Variants in SERINC1 observed in about 807,000 individuals in gnomAD.
The protein encoded by SERINC1 is tumor differentially expressed protein 2.
In SERINC1, 38 loss-of-function variants were observed where a neutral mutation model predicts 52.9. That is an observed-to-expected ratio of 0.72 (90% CI 0.55 to 0.94). SERINC1 has a LOEUF of 0.94. Among genes scored for constraint, SERINC1 ranks in the 40% least tolerant of loss-of-function variants. The probability of loss-of-function intolerance (pLI) is 0.00; values close to 1 mark genes in which losing one functional copy is unlikely to be tolerated. For synonymous variants in SERINC1, 198 were observed against 183.1 expected (o/e 1.08, Z -0.66); for missense variants, 471 against 533.9 (o/e 0.88, Z 1.16).
rs1467448575 is a variant in SERINC1 at position 122,443,765 on chromosome 6, G to T, written c.*1279C>A. ...ATAAATTATCCACCAGTAATGAGGT[G>T]TAAAATCAATTATGCATGTATTTTG... On this transcript the variant is annotated 3_prime_UTR_variant, in exon 10 of 10. Coordinates refer to ENST00000339697, the MANE Select transcript of SERINC1 (RefSeq NM_020755.4). 3 of 152,176 alleles carry T rather than the reference G, an allele frequency of 2.0e-5. No individual in the cohort carries two copies. The highest frequency in any genetic ancestry group is 7.2e-5 in the African/African-American group (3 of 41,438). The allele number at this position is 152,176 out of a possible 1,614,324, so 9.4% of individuals were successfully genotyped here. A position where few individuals can be genotyped will look rare whatever the true frequency, so the allele number is the denominator to read the frequency against.
rs554758272 is a variant in SERINC1, at chr6:122,462,694, T to G, written c.40-4013A>C. Reference sequence around the variant, plus strand: ...TCATCGGTTTAATAAGGTCACATGATAAAAAGTCAATATACACAATCATGT... The same window carrying G: ...TCATCGGTTTAATAAGGTCACATGAGAAAAAGTCAATATACACAATCATGT... On this transcript the variant is annotated intron_variant, in intron 1 of 9. Coordinates refer to ENST00000339697, the MANE Select transcript of SERINC1 (RefSeq NM_020755.4). Among the ~76,000 whole-genome samples the G allele has an allele frequency of 4.6e-5, 7 of 152,218 alleles. No individual in the cohort carries two copies. The East Asian group carries it at 1.4e-3, about 29-fold the overall frequency.
chr6:122,451,471 C>T (rs1188640744), intron 7 of SERINC1, among the ~76,000 whole-genome samples, 193 bp downstream of exon 7: 1 of 151,940 alleles, frequency 6.6e-6, no homozygotes, highest in Non-Finnish European at 1.5e-5. Context: ...CTTAGGTATA[C>T]ATGTAACCTT....
At position 122,446,853 on chromosome 6, in the gene SERINC1, T is replaced by G. The variant is rs1451995129; in HGVS notation, c.1147A>C (p.Thr383Pro). The G allele has an allele frequency of 6.2e-7, 1 of 1,614,028 alleles. No individual in the cohort carries two copies. The highest frequency in any genetic ancestry group is 8.5e-7 in the Non-Finnish European group (1 of 1,179,914). Residue 383 changes from threonine (T) to proline (P), a missense_variant, in exon 9 of 10, where the codon ACT becomes CCT. Coordinates refer to ENST00000339697, the MANE Select transcript of SERINC1 (RefSeq NM_020755.4). Reference sequence around the variant, plus strand: ...AAGTGAAAGAAGGAATAACTGTAAGTGACACCATCCCTTTCATTATCTACA... The same window carrying G: ...AAGTGAAAGAAGGAATAACTGTAAGGGACACCATCCCTTTCATTATCTACA... The part of the protein sequence containing the change: ...RAVDNERDGV[T>P]YSYSFFHFML...
intron 1 of SERINC1, among the ~76,000 whole-genome samples, chr6:122,464,940 G>A (rs928325212): frequency 2.0e-5 from 3 of 151,924 alleles, no homozygotes. Context: ...AGTACAAAGT[G>A]CTTCTAGTTA....
chr6:122,471,129 A>G (rs1775286062), intron 1 of SERINC1, among the ~76,000 whole-genome samples: 1 of 151,858 alleles, frequency 6.6e-6, no homozygotes, highest in South Asian at 2.1e-4. Context: ...CAGTTACGGC[A>G]GAGCTATGAC....
rs1001819511 is a variant in SERINC1 at position 122,468,765 on chromosome 6, T to C, written c.39+2934A>G. On this transcript the variant is annotated intron_variant, in intron 1 of 9. Coordinates refer to ENST00000339697, the MANE Select transcript of SERINC1 (RefSeq NM_020755.4). ...ATTCATAGCAACTATAAATCATTTCTATAAAACAAGTCACTGTATTAACAA... is the reference window on the plus strand; with the variant it reads ...ATTCATAGCAACTATAAATCATTTCCATAAAACAAGTCACTGTATTAACAA... Among the ~76,000 whole-genome samples, 3 of 152,322 alleles carry C rather than the reference T, an allele frequency of 2.0e-5. No homozygotes were observed. In the East Asian group the frequency reaches 5.8e-4, roughly 29 times the overall value.
intron 1 of SERINC1, among the ~76,000 whole-genome samples, chr6:122,463,792 T>C (rs1775145043): frequency 6.6e-6 from 1 of 152,314 alleles, no homozygotes; most frequent in Admixed American, 6.5e-5. Flanking sequence ...GACTGTTTCT[T>C]ATTTTTAAAT....
Position 122,446,925 on chromosome 6 carries a change from C to T in SERINC1, c.1075G>A (p.Ala359Thr), listed in dbSNP as rs767162241. ...DESTLIEDGG[A>T]RSDGSLEDGD... is the part of the protein sequence containing the mutation. ...TCCTCCAGTGATCCATCACTTCTAG[C>T]TCCACCATCTTCTATTAATGTAGAT... Residue 359 changes from alanine (A) to threonine (T), a missense_variant, in exon 9 of 10, where the codon GCT becomes ACT. Ala to Thr is a moderately conservative substitution (Grantham distance 58, BLOSUM62 0). Transcript: ENST00000339697. 4.6e-5 allele frequency: 74 copies of T among 1,613,508 alleles called. No homozygotes were observed. The highest frequency in any genetic ancestry group is 5.9e-5 in the Non-Finnish European group (70 of 1,179,530).
chr6:122,464,516 T>A (rs2114489429), intron 1 of SERINC1, among the ~76,000 whole-genome samples: 1 of 152,294 alleles, frequency 6.6e-6, no homozygotes, highest in East Asian at 1.9e-4. Flanking sequence ...CCTATGCACG[T>A]GCAGAGGGAC....
intron 5 of SERINC1, 101 bp downstream of exon 5, chr6:122,453,669 A>C: frequency 1.0e-6 from 1 of 957,560 alleles, no homozygotes; most frequent in African/African-American, 1.7e-5. Context: ...TCATCATAGG[A>C]AAGTAGACCA....
chr6:122,447,354 C>CTGT, intron 7 of SERINC1, 89 bp from the exon 8 acceptor site: 7 of 933,144 alleles, frequency 7.5e-6, no homozygotes, highest in Admixed American at 2.5e-5. Flanking sequence ...TCTCTATACC[C>CTGT]CTGCAAATTG....
At chr6:122,466,700 C>T (rs553784364) in intron 1 of SERINC1, among the ~76,000 whole-genome samples, 6 of 152,138 alleles carry the variant, frequency 3.9e-5, no homozygotes, top group Middle Eastern at 3.4e-3. Context: ...TAAAATTCAA[C>T]GGAAGTTCTG....
intron 2 of SERINC1, among the ~76,000 whole-genome samples, chr6:122,457,687 T>C (rs1308517955): frequency 6.6e-6 from 1 of 152,060 alleles, no homozygotes; most frequent in Non-Finnish European, 1.5e-5. Flanking sequence ...AACTTGACCA[T>C]GGTGGCACCC....
intron 1 of SERINC1, among the ~76,000 whole-genome samples, chr6:122,469,907 C>G (rs550135946): frequency 6.6e-6 from 1 of 152,244 alleles, no homozygotes; most frequent in African/African-American, 2.4e-5. Flanking sequence ...ATCAAAACCT[C>G]TAAGTAAATG....
At chr6:122,470,527 C>T (rs1775268369) in intron 1 of SERINC1, among the ~76,000 whole-genome samples, 1 of 152,156 alleles carries the variant, frequency 6.6e-6, no homozygotes, top group Non-Finnish European at 1.5e-5. Flanking sequence ...ACTAAATATG[C>T]CTCTTTTGTA....
At chr6:122,463,512 AAAC>A (rs1184242202) in intron 1 of SERINC1, among the ~76,000 whole-genome samples, 4 of 152,202 alleles carry the variant, frequency 2.6e-5, no homozygotes, top group African/African-American at 9.6e-5. Flanking sequence ...AGTGATAAGA[AAAC>A]AAACAACTCA....
chr6:122,456,265 A>C (rs1774991462), intron 3 of SERINC1, among the ~76,000 whole-genome samples: 1 of 152,168 alleles, frequency 6.6e-6, no homozygotes, highest in Non-Finnish European at 1.5e-5. Flanking sequence ...TGAAAATATA[A>C]AACACTGTGG....
At chr6:122,465,978 G>A (rs889329746) in intron 1 of SERINC1, among the ~76,000 whole-genome samples, 1 of 152,112 alleles carries the variant, frequency 6.6e-6, no homozygotes, top group Non-Finnish European at 1.5e-5. Flanking sequence ...GCTCACACCT[G>A]TAATCCCAGC....
rs1186764737 is a variant in SERINC1 at position 122,444,127 on chromosome 6, T to A, written c.*917A>T. ...CTCCCACCTCAGCCTCCTCAGTAGC[T>A]GGGACCACAGGCATATGCTACAAAG... On this transcript the variant is annotated 3_prime_UTR_variant, in exon 10 of 10. Coordinates refer to ENST00000339697, the MANE Select transcript of SERINC1 (RefSeq NM_020755.4). 1 of 152,402 alleles carries A rather than the reference T, an allele frequency of 6.6e-6. No homozygotes were observed. Among genetic ancestry groups the A allele is most frequent in the African/African-American group, 2.4e-5 (1 of 41,432 alleles). 9.4% of individuals were successfully genotyped at this position (152,402 alleles called of 1,614,324 possible). A position where few individuals can be genotyped will look rare whatever the true frequency, so the allele number is the denominator to read the frequency against.
Sources: allele counts gnomAD v4.1 joint callset (sites outside exome capture counted in the v4.1 genomes callset), GRCh38; gene constraint gnomAD v4.1.1; transcripts MANE v1.5; gene names NCBI Gene and HGNC (gene_info 2026-07-23, HGNC 2026-07-21).